The following SEMA6D variants were observed in gnomAD, a reference collection of about 807,000 sequenced individuals.
SEMA6D encodes semaphorin 6D.
In SEMA6D, 35 loss-of-function variants were observed where a neutral mutation model predicts 106.6. The ratio of observed to expected loss-of-function variants is 0.33; its 90% CI spans 0.25 to 0.44. SEMA6D has a LOEUF of 0.44. Among genes scored for constraint, SEMA6D ranks in the 20% least tolerant of loss-of-function variants. The probability of loss-of-function intolerance (pLI) is 1.00; values close to 1 mark genes in which losing one functional copy is unlikely to be tolerated. For missense variants in SEMA6D, 1,185 were observed against 1,345.9 expected (o/e 0.88, Z 1.87); for synonymous variants, 499 against 487.7 (o/e 1.02, Z -0.31).
chr15:47,320,759 T>A (rs987156789), intron 1 of SEMA6D, among the ~76,000 whole-genome samples: 3 of 152,200 alleles, frequency 2.0e-5, no homozygotes, highest in African/African-American at 7.2e-5. Context: ...AGAGTCTCCC[T>A]CTTCCATGCA....
At chr15:47,709,662 A>G (rs1379035726) in intron 4 of SEMA6D, among the ~76,000 whole-genome samples, 1 of 151,994 alleles carries the variant, frequency 6.6e-6, no homozygotes, top group African/African-American at 2.4e-5. Context: ...CCCTGATTTG[A>G]TTTGGGAGGT....
At chr15:47,651,074 A>G (rs1360816668) in intron 4 of SEMA6D, among the ~76,000 whole-genome samples, 1 of 152,086 alleles carries the variant, frequency 6.6e-6, no homozygotes. Flanking sequence ...GCAAAGTTCT[A>G]TTTTCCTTTT....
chr15:47,265,757 T>G (rs940586138), intron 1 of SEMA6D, among the ~76,000 whole-genome samples: 3 of 152,068 alleles, frequency 2.0e-5, no homozygotes, highest in Non-Finnish European at 2.9e-5. Flanking sequence ...TTTCCCCCAC[T>G]GTGGGGATTG....
intron 1 of SEMA6D, among the ~76,000 whole-genome samples, chr15:47,320,553 G>C (rs1163569911): frequency 6.6e-6 from 1 of 152,088 alleles, no homozygotes; most frequent in Non-Finnish European, 1.5e-5. Flanking sequence ...AGCTTTTCCA[G>C]CTGTAACTTC....
chr15:47,436,028 C>G (rs1283083027), intron 2 of SEMA6D, among the ~76,000 whole-genome samples: 1 of 152,060 alleles, frequency 6.6e-6, no homozygotes, highest in Non-Finnish European at 1.5e-5. Flanking sequence ...TGTTTCAGCA[C>G]TTTGGTCTTT....
chr15:47,654,832 C>A (rs2077760829), intron 4 of SEMA6D, among the ~76,000 whole-genome samples: 1 of 152,226 alleles, frequency 6.6e-6, no homozygotes, highest in Non-Finnish European at 1.5e-5. Flanking sequence ...CAGGTGTTGG[C>A]ACCATGCTTC....
intron 3 of SEMA6D, among the ~76,000 whole-genome samples, chr15:47,587,481 A>T (rs1044412001): frequency 6.6e-6 from 1 of 152,190 alleles, no homozygotes; most frequent in Non-Finnish European, 1.5e-5. Flanking sequence ...TGAAACCCTT[A>T]CAGTTGTTTA....
At chr15:47,606,623 T>A (rs1163805161) in intron 4 of SEMA6D, among the ~76,000 whole-genome samples, 1 of 152,204 alleles carries the variant, frequency 6.6e-6, no homozygotes, top group Non-Finnish European at 1.5e-5. Context: ...TTGGAGCCCA[T>A]GTTGGAGGCT....
Position 47,760,543 on chromosome 15 carries a change from C to T in SEMA6D, c.221+128C>T, listed in dbSNP as rs921237275. The T allele has an allele frequency of 1.9e-5, 13 of 691,422 alleles. No homozygotes were observed. The South Asian group carries it at 2.5e-4, about 13-fold the overall frequency. The allele number at this position is 691,422 out of a possible 1,614,324, so 42.8% of individuals were successfully genotyped here. A position where few individuals can be genotyped will look rare whatever the true frequency, so the allele number is the denominator to read the frequency against. ...AAAATTGCAAGTAGCCAGAAATATT[C>T]ACTGAGAAGAGTCAGTGTTGTGTAC... is the stretch of plus-strand genomic sequence containing the variant. On this transcript the variant is annotated intron_variant, in intron 3 of 18. Transcript: ENST00000536845.
intron 3 of SEMA6D, among the ~76,000 whole-genome samples, chr15:47,481,698 T>A (rs574586176): frequency 9.8e-5 from 15 of 152,334 alleles, no homozygotes; most frequent in African/African-American, 3.6e-4. Context: ...AAGATTGTTC[T>A]GCCTTAGATT....
At chr15:47,236,998 T>A (rs1390651574) in intron 1 of SEMA6D, among the ~76,000 whole-genome samples, 3 of 152,156 alleles carry the variant, frequency 2.0e-5, no homozygotes, top group African/African-American at 7.2e-5. Flanking sequence ...ATGCTTGTGT[T>A]CTATTGAATC....
chr15:47,487,894 A>G (rs914230230), intron 3 of SEMA6D, among the ~76,000 whole-genome samples: 1 of 152,122 alleles, frequency 6.6e-6, no homozygotes, highest in Non-Finnish European at 1.5e-5. Context: ...TTTCTTTTAT[A>G]TATGCAGCTC....
intron 3 of SEMA6D, among the ~76,000 whole-genome samples, chr15:47,512,416 G>A (rs2044260140): frequency 6.6e-6 from 1 of 152,198 alleles, no homozygotes; most frequent in Non-Finnish European, 1.5e-5. Flanking sequence ...ACAACAGGAG[G>A]ATCCAGGAGG....
rs1017299854 is a variant in SEMA6D, at chr15:47,244,857, C to G, written c.-239+60439C>G. On this transcript the variant is annotated intron_variant, in intron 1 of 19. Transcript: ENST00000558014. The stretch of plus-strand genomic sequence containing the variant: ...AACCCTCTGCCCACTCCCGTCATCC[C>G]CCTCGCGGTAGTTCCAGTATCTGTT... Among the ~76,000 whole-genome samples, 11 of 152,238 alleles carry G rather than the reference C, an allele frequency of 7.2e-5. No individual in the cohort carries two copies. In the East Asian group the frequency reaches 2.1e-3, roughly 29 times the overall value.
At chr15:47,523,132 AC>A (rs1566855692) in intron 3 of SEMA6D, among the ~76,000 whole-genome samples, 5 of 152,140 alleles carry the variant, frequency 3.3e-5, no homozygotes, top group Non-Finnish European at 7.4e-5. Flanking sequence ...GCTGAATCCA[AC>A]TGAAAGCCAG....
At chr15:47,186,781 A>G (rs1333538729) in intron 1 of SEMA6D, among the ~76,000 whole-genome samples, 1 of 152,146 alleles carries the variant, frequency 6.6e-6, no homozygotes, top group Non-Finnish European at 1.5e-5. Context: ...CACATGACCA[A>G]TTTTAGCTAG....
At chr15:47,583,671 A>G (rs897982463) in intron 3 of SEMA6D, among the ~76,000 whole-genome samples, 19 of 152,282 alleles carry the variant, frequency 1.2e-4, no homozygotes, top group African/African-American at 4.6e-4. Context: ...TCCATACCCC[A>G]GCTGTCAGTG....
At chr15:47,741,882 G>C (rs1018758382) in intron 1 of SEMA6D, among the ~76,000 whole-genome samples, 6 of 152,196 alleles carry the variant, frequency 3.9e-5, no homozygotes, top group African/African-American at 1.2e-4. Context: ...AGGAAGACAG[G>C]AGGTAGATGA....
At chr15:47,471,925 T>TCACA (rs1555445481) in intron 3 of SEMA6D, among the ~76,000 whole-genome samples, 2 of 127,594 alleles carry the variant, frequency 1.6e-5, no homozygotes, top group African/African-American at 3.5e-5. Context: ...TCTCTCTCTC[T>TCACA]CTCTCTCACA....
Sources: allele counts gnomAD v4.1 joint callset (sites outside exome capture counted in the v4.1 genomes callset), GRCh38; gene constraint gnomAD v4.1.1; transcripts MANE v1.5; gene names NCBI Gene and HGNC (gene_info 2026-07-23, HGNC 2026-07-21).